SOX5: variants seen among roughly 807,000 people sequenced by gnomAD.
SOX5 encodes SRY-box transcription factor 5.
A neutral mutation model predicts 92.0 loss-of-function variants in SOX5; 9 were observed. That is an observed-to-expected ratio of 0.10 (90% CI 0.06 to 0.17). SOX5 has a LOEUF of 0.17. SOX5 is among the 10% of genes least tolerant of loss of function. The probability of loss-of-function intolerance (pLI) is 1.00; values close to 1 mark genes in which losing one functional copy is unlikely to be tolerated. For missense variants in SOX5, 642 were observed against 944.5 expected (o/e 0.68, Z 4.20); for synonymous variants, 344 against 336.3 (o/e 1.02, Z -0.25).
chr12:24,437,712 T>TGCAAATCAAAACC (rs1470722789), intron 1 of SOX5, among the ~76,000 whole-genome samples: 204 of 152,232 alleles, frequency 1.3e-3, no homozygotes, highest in Non-Finnish European at 2.5e-3. Context: ...ATTAGAGAAA[T>TGCAAATCAAAACC]GCAAATCAAA....
At chr12:24,431,305 T>A (rs143962205) in intron 1 of SOX5, among the ~76,000 whole-genome samples, 1 of 152,284 alleles carries the variant, frequency 6.6e-6, no homozygotes, top group Non-Finnish European at 1.5e-5. Context: ...CCATGATAAT[T>A]GAGAGGCAAT....
At chr12:24,041,193 G>T (rs1956490058) in intron 4 of SOX5, among the ~76,000 whole-genome samples, 1 of 152,158 alleles carries the variant, frequency 6.6e-6, no homozygotes, top group Admixed American at 6.5e-5. Context: ...AGTGGGATGG[G>T]TAAATGGGGC....
At chr12:23,810,830 C>G (rs1325042196) in intron 3 of SOX5, among the ~76,000 whole-genome samples, 1 of 152,160 alleles carries the variant, frequency 6.6e-6, no homozygotes. Flanking sequence ...GCTACAGTTT[C>G]TCACTACAGC....
intron 4 of SOX5, among the ~76,000 whole-genome samples, chr12:24,170,893 T>C (rs1466468216): frequency 6.6e-6 from 1 of 152,148 alleles, no homozygotes; most frequent in Non-Finnish European, 1.5e-5. Flanking sequence ...CGTTATAAAT[T>C]CATGTGGAAT....
At chr12:24,262,939 G>C (rs977097142) in intron 3 of SOX5, among the ~76,000 whole-genome samples, 3 of 152,076 alleles carry the variant, frequency 2.0e-5, no homozygotes, top group Non-Finnish European at 2.9e-5. Flanking sequence ...GGAAATTACT[G>C]GGCTGCGCGC....
At chr12:23,702,368 G>A (rs1407958598) in intron 6 of SOX5, among the ~76,000 whole-genome samples, 2 of 151,930 alleles carry the variant, frequency 1.3e-5, no homozygotes, top group African/African-American at 2.4e-5. Context: ...TCAGCTAAAA[G>A]GTCAAATCCA....
chr12:24,547,230 G>T (rs1307565734), intron 1 of SOX5, among the ~76,000 whole-genome samples: 1 of 141,864 alleles, frequency 7.0e-6, no homozygotes, highest in Non-Finnish European at 1.5e-5. Flanking sequence ...TGTCGCCCAG[G>T]CCGGACTGCG....
chr12:23,993,969 C>T (rs912502068), intron 4 of SOX5, among the ~76,000 whole-genome samples: 1 of 151,754 alleles, frequency 6.6e-6, no homozygotes, highest in Non-Finnish European at 1.5e-5. Context: ...AAATAAATAG[C>T]TGGGTGTGGT....
intron 1 of SOX5, among the ~76,000 whole-genome samples, chr12:24,409,815 T>C (rs755287525): frequency 6.6e-6 from 1 of 152,222 alleles, no homozygotes; most frequent in Non-Finnish European, 1.5e-5. Context: ...GAAATGTTTC[T>C]TCAGGTATTT....
chr12:24,067,180 C>T (rs1940891833), intron 4 of SOX5, among the ~76,000 whole-genome samples: 1 of 152,070 alleles, frequency 6.6e-6, no homozygotes, highest in Non-Finnish European at 1.5e-5. Context: ...AAATGAATGC[C>T]AGTGGAGGCT....
intron 6 of SOX5, among the ~76,000 whole-genome samples, chr12:23,731,953 A>G (rs971453440): frequency 6.6e-5 from 10 of 152,210 alleles, no homozygotes; most frequent in Admixed American, 6.5e-4. Flanking sequence ...TCTACAAGGT[A>G]TCAAGGCACT....
At chr12:24,146,556 G>A (rs185555034) in intron 4 of SOX5, among the ~76,000 whole-genome samples, 88 of 151,946 alleles carry the variant, frequency 5.8e-4, no homozygotes, top group Middle Eastern at 3.4e-3. Flanking sequence ...CATGACCTCC[G>A]TTTCCACTGT....
intron 7 of SOX5, among the ~76,000 whole-genome samples, chr12:23,663,022 C>T (rs561947470): frequency 2.0e-5 from 3 of 152,228 alleles, no homozygotes; most frequent in East Asian, 3.9e-4. Context: ...CACTGAAGAG[C>T]GGTAATGGCA....
chr12:23,860,536 C>T (rs1020172415), intron 2 of SOX5, among the ~76,000 whole-genome samples: 5 of 151,962 alleles, frequency 3.3e-5, no homozygotes, highest in South Asian at 2.1e-4. Context: ...TCAATAAGTC[C>T]GCCCAACTAA....
intron 1 of SOX5, among the ~76,000 whole-genome samples, chr12:24,513,044 T>C (rs1166776279): frequency 1.3e-5 from 2 of 152,224 alleles, no homozygotes; most frequent in East Asian, 1.9e-4. Flanking sequence ...TACTGATATG[T>C]GGTACCATAC....
At chr12:24,096,060 G>A (rs1279415744) in intron 4 of SOX5, among the ~76,000 whole-genome samples, 2 of 152,074 alleles carry the variant, frequency 1.3e-5, no homozygotes, top group African/African-American at 2.4e-5. Context: ...GATTAATTGT[G>A]CTCATTTTTA....
chr12:24,407,526 C>G (rs1228404762), intron 1 of SOX5: 1 of 152,198 alleles, frequency 6.6e-6, no homozygotes, highest in Non-Finnish European at 1.5e-5. Context: ...TCTGAGGATC[C>G]TCCTGAAGTA....
intron 2 of SOX5, among the ~76,000 whole-genome samples, chr12:24,317,136 C>A (rs948877655): frequency 1.3e-5 from 2 of 152,118 alleles, no homozygotes; most frequent in Non-Finnish European, 2.9e-5. Flanking sequence ...AGGTTCAAGA[C>A]AATTGACAAT....
At chr12:23,635,261 C>T (rs2079073118) in intron 8 of SOX5, among the ~76,000 whole-genome samples, 1 of 152,026 alleles carries the variant, frequency 6.6e-6, no homozygotes, top group Non-Finnish European at 1.5e-5. Context: ...GAAGAGAAAA[C>T]ACCACTTGTA....
Sources: allele counts gnomAD v4.1 joint callset (sites outside exome capture counted in the v4.1 genomes callset), GRCh38; gene constraint gnomAD v4.1.1; transcripts MANE v1.5; gene names NCBI Gene and HGNC (gene_info 2026-07-23, HGNC 2026-07-21).